The following TENM2 variants were observed in gnomAD, a reference collection of about 807,000 sequenced individuals.
The protein encoded by TENM2 is teneurin transmembrane protein 2, also known as teneurin-2.
A neutral mutation model predicts 245.2 loss-of-function variants in TENM2; 52 were observed. The observed-to-expected ratio is 0.21, with a 90% CI of 0.17 to 0.27. The LOEUF is 0.27. Among genes scored for constraint, TENM2 ranks in the 10% least tolerant of loss-of-function variants. The probability of loss-of-function intolerance (pLI) is 1.00; values close to 1 mark genes in which losing one functional copy is unlikely to be tolerated. For missense variants in TENM2, 3,046 were observed against 3,666.8 expected, an observed-to-expected ratio of 0.83 and a Z score of 4.37; for synonymous variants, 1,363 against 1,438.9, an observed-to-expected ratio of 0.95 and a Z score of 1.19.
intron 2 of TENM2, among the ~76,000 whole-genome samples, chr5:167,603,076 T>C (rs547747995): frequency 2.0e-5 from 3 of 152,148 alleles, no homozygotes; most frequent in Admixed American, 6.5e-5. Flanking sequence ...AGTTGACCAG[T>C]TGGCTGACAT....
intron 2 of TENM2, among the ~76,000 whole-genome samples, chr5:167,739,287 C>T (rs1270594667): frequency 6.6e-6 from 1 of 152,114 alleles, no homozygotes; most frequent in African/African-American, 2.4e-5. Context: ...GAATCGGGCT[C>T]ATGAAGTCAC....
intron 7 of TENM2, among the ~76,000 whole-genome samples, chr5:168,084,252 G>A (rs182716122): frequency 1.3e-5 from 2 of 152,168 alleles, no homozygotes; most frequent in African/African-American, 2.4e-5. Flanking sequence ...AGAAGGATTT[G>A]TTTTCTTTTG....
chr5:167,357,498 G>A (rs544315331), intron 1 of TENM2, among the ~76,000 whole-genome samples: 2 of 151,970 alleles, frequency 1.3e-5, no homozygotes, highest in Non-Finnish European at 2.9e-5. Flanking sequence ...GACCTCAGGT[G>A]ATCCTCCCGC....
intron 14 of TENM2, among the ~76,000 whole-genome samples, chr5:168,191,269 G>T (rs1760931848): frequency 6.6e-6 from 1 of 152,206 alleles, no homozygotes; most frequent in African/African-American, 2.4e-5. Context: ...CTGGAGAAGA[G>T]AGCAAGGGGA....
intron 2 of TENM2, among the ~76,000 whole-genome samples, chr5:167,750,372 G>A (rs1465846009): frequency 6.6e-6 from 1 of 152,074 alleles, no homozygotes; most frequent in Non-Finnish European, 1.5e-5. Flanking sequence ...GTTTCTCCTT[G>A]ACTCTTGATA....
the TENM2 span, among the ~76,000 whole-genome samples, chr5:167,206,595 G>C: frequency 6.6e-6 from 1 of 152,088 alleles, no homozygotes; most frequent in East Asian, 1.9e-4. Context: ...CTTTATATAG[G>C]CCACAGCTTT....
At chr5:167,130,912 TAAA>T in the TENM2 span, among the ~76,000 whole-genome samples, 856 of 118,192 alleles carry the variant, frequency 7.2e-3, 14 homozygotes, top group African/African-American at 0.029. Context: ...TTTTTTTTTT[TAAA>T]AAAAAAAAAG....
At chr5:167,266,525 A>T in the TENM2 span, among the ~76,000 whole-genome samples, 1 of 152,218 alleles carries the variant, frequency 6.6e-6, no homozygotes, top group African/African-American at 2.4e-5. Context: ...GGAAAACACA[A>T]GGAGATAACA....
At chr5:167,300,748 G>C (rs995972918) in intron 1 of TENM2, among the ~76,000 whole-genome samples, 3 of 152,036 alleles carry the variant, frequency 2.0e-5, no homozygotes, top group Non-Finnish European at 1.5e-5. Context: ...AAGGTGGGGA[G>C]ATACAAGGGG....
intron 1 of TENM2, chr5:167,297,350 GTC>G (rs1755001166): frequency 6.6e-6 from 1 of 152,186 alleles, no homozygotes; most frequent in Admixed American, 6.5e-5. Flanking sequence ...TGGTGCCATA[GTC>G]CATCTCCTTG....
the TENM2 span, among the ~76,000 whole-genome samples, chr5:167,010,990 GAAAAAC>G: frequency 1.3e-5 from 2 of 151,944 alleles, no homozygotes; most frequent in Admixed American, 6.6e-5. Context: ...AGATGCAAAG[GAAAAAC>G]AAAAACAAAA....
intron 1 of TENM2, among the ~76,000 whole-genome samples, chr5:167,296,746 T>C (rs1754970184): frequency 1.3e-5 from 2 of 152,184 alleles, no homozygotes; most frequent in South Asian, 4.1e-4. Context: ...CATTTAATGC[T>C]TGCACTCTGA....
chr5:167,918,500 A>T (rs933581702), intron 3 of TENM2, among the ~76,000 whole-genome samples: 2 of 152,220 alleles, frequency 1.3e-5, no homozygotes, highest in South Asian at 4.1e-4. Flanking sequence ...ACAGAGCCAC[A>T]GCTGAGCCCG....
At chr5:167,920,231 C>A (rs1777246553) in intron 3 of TENM2, among the ~76,000 whole-genome samples, 1 of 151,516 alleles carries the variant, frequency 6.6e-6, no homozygotes, top group South Asian at 2.1e-4. Flanking sequence ...GTGGCTCACA[C>A]CTGTAATCCC....
At chr5:167,180,103 CTTTTTTTTTT>C in the TENM2 span, among the ~76,000 whole-genome samples, 4 of 114,960 alleles carry the variant, frequency 3.5e-5, no homozygotes, top group South Asian at 2.7e-4. Flanking sequence ...TAAGTGCTTC[CTTTTTTTTTT>C]TTTTTTTTTT....
chr5:168,234,990 T>TTTAC (rs1443255992), intron 25 of TENM2, among the ~76,000 whole-genome samples: 3 of 152,192 alleles, frequency 2.0e-5, no homozygotes, highest in Non-Finnish European at 2.9e-5. Context: ...ATGTGTTACT[T>TTTAC]TTACTTATGT....
At chr5:167,288,184 C>T (rs1209487253) in intron 1 of TENM2, among the ~76,000 whole-genome samples, 2 of 152,140 alleles carry the variant, frequency 1.3e-5, no homozygotes, top group Non-Finnish European at 2.9e-5. Context: ...TGGGACTCTG[C>T]TCTGCATTCT....
chr5:167,628,551 T>C (rs944540046), intron 2 of TENM2, among the ~76,000 whole-genome samples: 4 of 152,176 alleles, frequency 2.6e-5, no homozygotes, highest in Admixed American at 2.0e-4. Flanking sequence ...CAGTACCTCT[T>C]CCTTTCTCTC....
At chr5:167,998,923 T>G (rs1355056551) in intron 5 of TENM2, among the ~76,000 whole-genome samples, 1 of 152,212 alleles carries the variant, frequency 6.6e-6, no homozygotes, top group Non-Finnish European at 1.5e-5. Flanking sequence ...AAGCCTACCA[T>G]GTGTTTAAAG....
Sources: gnomAD v4.1 joint callset for allele counts (sites outside exome capture counted in the v4.1 genomes callset) on GRCh38, gnomAD v4.1.1 for gene constraint, MANE v1.5 for transcripts, NCBI Gene and HGNC (gene_info 2026-07-23, HGNC 2026-07-21) for gene names.